Variants in SLC22A15 observed in about 807,000 individuals in gnomAD.
SLC22A15 encodes the protein flipt 1.
In SLC22A15, 45 loss-of-function variants were observed where a neutral mutation model predicts 62.7. That is an observed-to-expected ratio of 0.72 (90% CI 0.56 to 0.92). The LOEUF (loss-of-function observed/expected upper bound fraction) is 0.92, where lower values mean the gene tolerates loss of function less well. Among genes scored for constraint, SLC22A15 ranks in the 40% least tolerant of loss-of-function variants. SLC22A15 has a pLI of 0.00. For synonymous variants in SLC22A15, 264 were observed against 267.0 expected (o/e 0.99, Z 0.11); for missense variants, 622 against 665.6 (o/e 0.93, Z 0.72).
intron 1 of SLC22A15, among the ~76,000 whole-genome samples, chr1:115,983,050 T>C (rs999028045): frequency 6.6e-6 from 1 of 152,264 alleles, no homozygotes; most frequent in Non-Finnish European, 1.5e-5. Context: ...GATAGAGTTA[T>C]GCCCTTCTGG....
At chr1:116,034,788 T>G (rs1030710433) in intron 6 of SLC22A15, among the ~76,000 whole-genome samples, 3 of 152,200 alleles carry the variant, frequency 2.0e-5, no homozygotes, top group African/African-American at 7.2e-5. Context: ...AGTTCTTTTC[T>G]AGAATCATTT....
chr1:115,983,348 G>T (rs1230537989), intron 1 of SLC22A15, among the ~76,000 whole-genome samples: 1 of 152,154 alleles, frequency 6.6e-6, no homozygotes, highest in Non-Finnish European at 1.5e-5. Flanking sequence ...TTTAATAAAT[G>T]CAGATATTTT....
intron 2 of SLC22A15, among the ~76,000 whole-genome samples, chr1:116,012,515 G>C (rs186326191): frequency 6.6e-6 from 1 of 152,184 alleles, no homozygotes; most frequent in Non-Finnish European, 1.5e-5. Context: ...GGAAGGAAAA[G>C]AAAGAAACCT....
intron 2 of SLC22A15, chr1:116,014,044 A>T (rs1656407071): frequency 6.6e-6 from 1 of 152,208 alleles, no homozygotes; most frequent in Non-Finnish European, 1.5e-5. Flanking sequence ...GTACGCCAGT[A>T]CTTTATCCCT....
chr1:116,004,583 T>G (rs1655885322), intron 2 of SLC22A15, among the ~76,000 whole-genome samples: 1 of 152,222 alleles, frequency 6.6e-6, no homozygotes, highest in Admixed American at 6.5e-5. Context: ...TTCTATTTGC[T>G]AACATTTTGA....
chr1:116,020,828 C>T lies in SLC22A15; in HGVS notation c.541C>T (p.Leu181=), dbSNP rs368895356. 10 of 1,613,746 alleles carry T rather than the reference C, an allele frequency of 6.2e-6. No homozygotes were observed. Among genetic ancestry groups the T allele is most frequent in the Non-Finnish European group, 7.6e-6 (9 of 1,179,758 alleles). ...GGGCATGATGAATGGAGGGATGTCG[C>T]TGGTGGCCTTTGTCTTGCTTAATGA... The part of the protein sequence containing the change: ...LVGMMNGGMS[L]VAFVLLNECV... The change falls in exon 4 of 12, where the codon CTG becomes TTG. Residue 181 remains leucine, a synonymous_variant. Coordinates refer to ENST00000369503, the MANE Select transcript of SLC22A15 (RefSeq NM_018420.3).
Position 116,069,650 on chromosome 1 carries a change from A to G in SLC22A15, c.*2542A>G, listed in dbSNP as rs1321721201. On this transcript the variant is annotated 3_prime_UTR_variant, in exon 12 of 12. Coordinates refer to ENST00000369503, the MANE Select transcript of SLC22A15 (RefSeq NM_018420.3). Reference sequence around the variant, plus strand: ...TTTTCTGATTTTGTGAGTTACAACCACAGCCCAGTAAAACCAATACTTGTT... The same window carrying G: ...TTTTCTGATTTTGTGAGTTACAACCGCAGCCCAGTAAAACCAATACTTGTT... 1 of 152,208 alleles carries G rather than the reference A, an allele frequency of 6.6e-6. No individual in the cohort carries two copies. The highest frequency in any genetic ancestry group is 2.4e-5 in the African/African-American group (1 of 41,472). 9.4% of individuals were successfully genotyped at this position (152,208 alleles called of 1,614,324 possible).
At chr1:116,047,791 C>T (rs1657965407) in intron 8 of SLC22A15, among the ~76,000 whole-genome samples, 1 of 151,990 alleles carries the variant, frequency 6.6e-6, no homozygotes, top group East Asian at 1.9e-4. Flanking sequence ...AATTGAGGCA[C>T]CAGGAAAAGG....
intron 1 of SLC22A15, among the ~76,000 whole-genome samples, chr1:115,977,995 C>T (rs1330935209): frequency 6.6e-6 from 1 of 152,178 alleles, no homozygotes; most frequent in Non-Finnish European, 1.5e-5. Context: ...CTTTTAAGCT[C>T]GTTGTTTTAG....
Position 116,053,328 on chromosome 1 carries a change from A to G in SLC22A15, c.1172-9434A>G, listed in dbSNP as rs550567716. 2.9e-3 allele frequency among the ~76,000 whole-genome samples: 444 copies of G among 152,326 alleles called. 2 individuals are homozygous for G. Among genetic ancestry groups the G allele is most frequent in the African/African-American group, 9.5e-3 (393 of 41,556 alleles). ...AGTGATGGAAGATGAAATGAATGAA[A>G]TGAAGTGAGAAGGGAAGTTTAGAGA... On this transcript the variant is annotated intron_variant, in intron 8 of 11. Coordinates refer to ENST00000369503, the MANE Select transcript of SLC22A15 (RefSeq NM_018420.3).
intron 8 of SLC22A15, among the ~76,000 whole-genome samples, chr1:116,038,480 T>C (rs909357649): frequency 3.9e-5 from 6 of 152,186 alleles, no homozygotes; most frequent in Non-Finnish European, 1.5e-5. Context: ...GAGCCTCGAG[T>C]GTAATTTGCT....
intron 2 of SLC22A15, among the ~76,000 whole-genome samples, chr1:116,002,893 C>G (rs1333630945): frequency 6.6e-6 from 1 of 152,048 alleles, no homozygotes; most frequent in Non-Finnish European, 1.5e-5. Context: ...TCTTCCCTCT[C>G]CTTTCTTCTA....
At chr1:116,001,896 G>A (rs931644431) in intron 2 of SLC22A15, among the ~76,000 whole-genome samples, 2 of 152,170 alleles carry the variant, frequency 1.3e-5, no homozygotes, top group Non-Finnish European at 2.9e-5. Context: ...GCCTGTGGAT[G>A]TTCGTCAATG....
In SLC22A15 at chr1:116,067,119, A is replaced by G. The variant is rs1658517848; in HGVS notation, c.*11A>G. On this transcript the variant is annotated 3_prime_UTR_variant, in exon 12 of 12. Coordinates refer to ENST00000369503, the MANE Select transcript of SLC22A15 (RefSeq NM_018420.3). ...CAGATGATCAAGTGAAGAGCCCCAGATTCCCCCTAAGAAGCAAAGGATCGT... is the reference window on the plus strand; with the variant it reads ...CAGATGATCAAGTGAAGAGCCCCAGGTTCCCCCTAAGAAGCAAAGGATCGT... 6.2e-7 allele frequency: 1 copy of G among 1,603,948 alleles called. No homozygotes were observed. The highest frequency in any genetic ancestry group is 1.1e-5 in the South Asian group (1 of 89,092).
At chr1:116,011,637 C>A (rs911025451) in intron 2 of SLC22A15, among the ~76,000 whole-genome samples, 12 of 152,134 alleles carry the variant, frequency 7.9e-5, no homozygotes, top group Non-Finnish European at 1.6e-4. Flanking sequence ...AGGGGAGAGA[C>A]AAATGGACAC....
chr1:115,986,661 G>A (rs899188032), intron 1 of SLC22A15, among the ~76,000 whole-genome samples: 3 of 152,204 alleles, frequency 2.0e-5, no homozygotes, highest in African/African-American at 4.8e-5. Flanking sequence ...GAGTATGGTT[G>A]TTGGTTGTTG....
chr1:115,992,275 ATG>A lies in SLC22A15; in HGVS notation c.300+34_300+35del, dbSNP rs1378701654. The A allele has an allele frequency of 9.9e-6, 15 of 1,513,314 alleles. No individual in the cohort carries two copies. In the African/African-American group the frequency reaches 1.9e-4, roughly 19 times the overall value. 93.7% of individuals were successfully genotyped at this position (1,513,314 alleles called of 1,614,324 possible). A position where few individuals can be genotyped will look rare whatever the true frequency, so the allele number is the denominator to read the frequency against. Reference sequence around the variant, plus strand: ...ACAGGCTGTTTCAATCACTAAATAAATGTCTCTCTTTGTCCACATAGAGCTAC... The same window carrying A: ...ACAGGCTGTTTCAATCACTAAATAAATCTCTCTTTGTCCACATAGAGCTAC... On this transcript the variant is annotated intron_variant, in intron 2 of 11. Coordinates refer to ENST00000369503, the MANE Select transcript of SLC22A15 (RefSeq NM_018420.3).
chr1:116,021,571 G>A (rs1656840002), intron 4 of SLC22A15, among the ~76,000 whole-genome samples: 1 of 152,068 alleles, frequency 6.6e-6, no homozygotes, highest in Non-Finnish European at 1.5e-5. Context: ...GTTTCCCATG[G>A]ATGTTCTTAT....
At chr1:116,034,103 G>A (rs1008628694) in intron 6 of SLC22A15, among the ~76,000 whole-genome samples, 16 of 152,158 alleles carry the variant, frequency 1.1e-4, no homozygotes, top group Admixed American at 7.9e-4. Flanking sequence ...AAACTAAAGG[G>A]AAGCAAATGA....
Sources: allele counts gnomAD v4.1 joint callset (sites outside exome capture counted in the v4.1 genomes callset), GRCh38; gene constraint gnomAD v4.1.1; transcripts MANE v1.5; gene names NCBI Gene and HGNC (gene_info 2026-07-23, HGNC 2026-07-21).